The following SLC36A1 variants were observed in gnomAD, a reference collection of about 807,000 sequenced individuals.
SLC36A1 encodes the protein proton-coupled amino acid transporter 1.
Under a neutral mutation model 47.5 loss-of-function variants are expected in SLC36A1, and 30 were observed. That is an observed-to-expected ratio of 0.63 (90% CI 0.47 to 0.86). The LOEUF (loss-of-function observed/expected upper bound fraction) is 0.86, where lower values mean the gene tolerates loss of function less well. Among genes scored for constraint, SLC36A1 ranks in the 40% least tolerant of loss-of-function variants. The pLI is 0.00. For synonymous variants in SLC36A1, 255 were observed against 249.7 expected (o/e 1.02, Z -0.20); for missense variants, 517 against 606.0 (o/e 0.85, Z 1.54).
chr5:151,543,077 T>C, the SLC36A1 span: 2 of 1,614,164 alleles, frequency 1.2e-6, no homozygotes, highest in Non-Finnish European at 1.7e-6. Context: ...GATACTTTTT[T>C]AGGAACCACC....
In SLC36A1 at chr5:151,465,133, C is replaced by T; in HGVS notation, c.383C>T (p.Pro128Leu). The T allele has an allele frequency of 1.2e-6, 2 of 1,614,200 alleles. No homozygotes were observed. Among genetic ancestry groups the T allele is most frequent in the Non-Finnish European group, 1.7e-6 (2 of 1,180,024 alleles). Residue 128 changes from proline to leucine, a missense_variant, in exon 5 of 11, where the codon CCC becomes CTC. By Grantham distance (98) the Pro-to-Leu change is moderately conservative (BLOSUM62 -3). Transcript: ENST00000243389. ...GTGATGTATGGACTAGAATCCAGCCCCTGCTCCTGGCTCCGGAACCACGCA... is the reference window on the plus strand; with the variant it reads ...GTGATGTATGGACTAGAATCCAGCCTCTGCTCCTGGCTCCGGAACCACGCA... ...DTVMYGLESS[P>L]CSWLRNHAHW...
At chr5:151,357,256 G>A in the SLC36A1 span, among the ~76,000 whole-genome samples, 3 of 152,338 alleles carry the variant, frequency 2.0e-5, no homozygotes, top group South Asian at 2.1e-4. Context: ...GGGCTTTAGC[G>A]GTGGTTGTGT....
chr5:151,411,730 C>A, the SLC36A1 span, among the ~76,000 whole-genome samples: 1 of 144,350 alleles, frequency 6.9e-6, no homozygotes, highest in Admixed American at 6.8e-5. Context: ...CTTTTTCCCC[C>A]AGTTACTTCA....
chr5:151,547,468 A>T, the SLC36A1 span, among the ~76,000 whole-genome samples: 1 of 152,242 alleles, frequency 6.6e-6, no homozygotes, highest in African/African-American at 2.4e-5. Flanking sequence ...TACACTTGAG[A>T]AAATACTGCA....
the SLC36A1 span, chr5:151,554,518 C>T: frequency 1.2e-6 from 2 of 1,614,240 alleles, no homozygotes; most frequent in East Asian, 4.5e-5. Flanking sequence ...CCAGCCTGTA[C>T]ACAGGCCCAG....
At chr5:151,550,782 C>G in the SLC36A1 span, 1 of 1,614,050 alleles carries the variant, frequency 6.2e-7, no homozygotes. Flanking sequence ...CTACCCCTGG[C>G]ACGGTGTCCT....
the SLC36A1 span, among the ~76,000 whole-genome samples, chr5:151,382,549 T>C: frequency 6.6e-6 from 1 of 152,176 alleles, no homozygotes; most frequent in East Asian, 1.9e-4. Context: ...CCCACCAACT[T>C]AGCATCTTGG....
the SLC36A1 span, chr5:151,525,827 G>T: frequency 2.5e-6 from 4 of 1,614,020 alleles, no homozygotes; most frequent in African/African-American, 1.3e-5. Context: ...GCAGTCACCA[G>T]CCATCCATCC....
intron 1 of SLC36A1, among the ~76,000 whole-genome samples, chr5:151,457,059 C>T (rs893766411): frequency 1.6e-4 from 25 of 152,112 alleles, no homozygotes; most frequent in African/African-American, 6.0e-4. Flanking sequence ...TGCCAAGTGT[C>T]GGGAGGATTT....
chr5:151,468,289 ATATATTT>A (rs1561759992), intron 7 of SLC36A1, among the ~76,000 whole-genome samples: 5 of 100,478 alleles, frequency 5.0e-5, no homozygotes, highest in African/African-American at 2.2e-4. Context: ...ATATATATAT[ATATATTT>A]TATATATATA....
chr5:151,531,992 T>C, the SLC36A1 span: 2 of 1,611,754 alleles, frequency 1.2e-6, no homozygotes, highest in Non-Finnish European at 1.7e-6. The surrounding 1 kb of genome is among the most constrained non-coding windows in gnomAD (Gnocchi z 5.7). Flanking sequence ...ACCAAGGGTG[T>C]GATCCACACT....
chr5:151,390,307 C>T, the SLC36A1 span, among the ~76,000 whole-genome samples: 1 of 152,100 alleles, frequency 6.6e-6, no homozygotes, highest in Non-Finnish European at 1.5e-5. Context: ...TGGATATTAG[C>T]CCTTTGTCAG....
At chr5:151,432,260 G>T (rs2127431882), upstream of SLC36A1, among the ~76,000 whole-genome samples, 1 of 152,284 alleles carries the variant, frequency 6.6e-6, no homozygotes, top group African/African-American at 2.4e-5. Context: ...AAAGCACTTT[G>T]AAGGAAAATG....
chr5:151,420,962 C>T, the SLC36A1 span, among the ~76,000 whole-genome samples: 3 of 151,482 alleles, frequency 2.0e-5, no homozygotes, highest in South Asian at 6.3e-4. Flanking sequence ...GCTCCTTCTC[C>T]CAGGTTCACG....
At chr5:151,388,924 A>G in the SLC36A1 span, among the ~76,000 whole-genome samples, 2 of 152,192 alleles carry the variant, frequency 1.3e-5, no homozygotes, top group East Asian at 1.9e-4. Flanking sequence ...AAAGTCTACA[A>G]TCATAAAACA....
the SLC36A1 span, among the ~76,000 whole-genome samples, chr5:151,529,790 C>G: frequency 2.0e-5 from 3 of 152,124 alleles, no homozygotes; most frequent in Non-Finnish European, 4.4e-5. Flanking sequence ...CCTCACCCAG[C>G]TAGTAAATGA....
At chr5:151,463,744 A>T in intron 3 of SLC36A1, 101 bp downstream of exon 3, 1 of 896,738 alleles carries the variant, frequency 1.1e-6, no homozygotes, top group Non-Finnish European at 1.8e-6. Flanking sequence ...TAAATAGAGA[A>T]GCATTTTAAA....
chr5:151,541,482 TG>T, the SLC36A1 span, among the ~76,000 whole-genome samples: 3 of 152,194 alleles, frequency 2.0e-5, no homozygotes, highest in African/African-American at 4.8e-5. Flanking sequence ...CGGGAGTCTG[TG>T]GTTCTTGGTT....
chr5:151,382,366 A>T, the SLC36A1 span: 19 of 746,080 alleles, frequency 2.5e-5, no homozygotes, highest in East Asian at 4.5e-4. Flanking sequence ...CAGCTCAAAA[A>T]TATCAAAGAT....
Sources: gnomAD v4.1 joint callset for allele counts (sites outside exome capture counted in the v4.1 genomes callset) on GRCh38, gnomAD v4.1.1 for gene constraint, Gnocchi (gnomAD v3.1) non-coding constraint, MANE v1.5 for transcripts, NCBI Gene and HGNC (gene_info 2026-07-23, HGNC 2026-07-21) for gene names.